INPP4B: variants seen among roughly 807,000 people sequenced by gnomAD.
INPP4B encodes inositol polyphosphate-4-phosphatase type II B, also known as inositol polyphosphate 4-phosphatase type II.
INPP4B carries 55 observed loss-of-function variants against 122.5 expected under a neutral mutation model. That is an observed-to-expected ratio of 0.45 (90% CI 0.36 to 0.56). INPP4B has a LOEUF of 0.56. INPP4B is among the 20% of genes least tolerant of loss of function. The pLI, the probability that INPP4B is intolerant of heterozygous loss-of-function variation, is 0.00. For synonymous variants in INPP4B, 403 were observed against 388.7 expected, an observed-to-expected ratio of 1.04 and a Z score of -0.43; for missense variants, 1,000 against 1,097.7, an observed-to-expected ratio of 0.91 and a Z score of 1.26.
intron 7 of INPP4B, among the ~76,000 whole-genome samples, chr4:142,388,743 G>A (rs1286906168): frequency 2.0e-5 from 3 of 152,066 alleles, no homozygotes; most frequent in African/African-American, 7.2e-5. Context: ...TTAAAAAATA[G>A]GCTGATTGGC....
chr4:142,081,884 T>A, intron 25 of INPP4B, 147 bp downstream of exon 25: 2 of 470,130 alleles, frequency 4.3e-6, no homozygotes, highest in Non-Finnish European at 7.4e-6. Flanking sequence ...AAATTATCTA[T>A]CTCTGATGTC....
chr4:142,478,666 A>T (rs2149724464), intron 2 of INPP4B, among the ~76,000 whole-genome samples: 1 of 152,196 alleles, frequency 6.6e-6, no homozygotes, highest in South Asian at 2.1e-4. Flanking sequence ...TAGCTTTTTG[A>T]TGTGCTGCTG....
intron 10 of INPP4B, among the ~76,000 whole-genome samples, chr4:142,262,027 G>C (rs1204479043): frequency 6.6e-6 from 1 of 152,048 alleles, no homozygotes; most frequent in Non-Finnish European, 1.5e-5. Context: ...AGCAATTTTG[G>C]AAATGCACTT....
At chr4:142,387,668 G>A (rs145650030) in intron 7 of INPP4B, among the ~76,000 whole-genome samples, 5 of 152,128 alleles carry the variant, frequency 3.3e-5, no homozygotes, top group Admixed American at 6.6e-5. Flanking sequence ...TGTGCAAATC[G>A]GTTGGATGAA....
intron 12 of INPP4B, among the ~76,000 whole-genome samples, chr4:142,228,676 A>G (rs1852708021): frequency 6.6e-6 from 1 of 151,962 alleles, no homozygotes; most frequent in Non-Finnish European, 1.5e-5. Context: ...AAACTTTCTA[A>G]GTACAATAGA....
chr4:142,428,632 C>T (rs1808625326), intron 5 of INPP4B, among the ~76,000 whole-genome samples: 1 of 151,994 alleles, frequency 6.6e-6, no homozygotes, highest in Non-Finnish European at 1.5e-5. Context: ...GACAAAGTTA[C>T]AAATTTTTAC....
intron 21 of INPP4B, 47 bp downstream of exon 21, chr4:142,122,076 TAACAC>T: frequency 8.7e-7 from 1 of 1,147,022 alleles, no homozygotes; most frequent in Admixed American, 2.0e-5. Flanking sequence ...TGACAGGAGT[TAACAC>T]GACATGTCTA....
At chr4:142,171,149 T>C (rs1825443113) in intron 16 of INPP4B, among the ~76,000 whole-genome samples, 1 of 151,674 alleles carries the variant, frequency 6.6e-6, no homozygotes, top group South Asian at 2.1e-4. Context: ...TGCCACCTCA[T>C]TACAAAATAG....
At chr4:142,366,704 G>A (rs1330478164) in intron 7 of INPP4B, among the ~76,000 whole-genome samples, 2 of 152,070 alleles carry the variant, frequency 1.3e-5, no homozygotes, top group East Asian at 3.9e-4. Context: ...ATGTGTTGGG[G>A]ATTGCTCTAG....
At position 142,340,197 on chromosome 4, in the gene INPP4B, C is replaced by T. The variant is rs115484011; in HGVS notation, c.373-25435G>A. Among the ~76,000 whole-genome samples the T allele has an allele frequency of 9.8e-3, 1,498 of 152,194 alleles. 24 individuals carry two copies. Among genetic ancestry groups the T allele is most frequent in the African/African-American group, 0.035 (1,438 of 41,518 alleles). On this transcript the variant is annotated intron_variant, in intron 7 of 25. Coordinates refer to ENST00000262992, the MANE Select transcript of INPP4B (RefSeq NM_001101669.3). ...AGGGAAATAACCATGGAGGCCTCTCCATCTGTTCATTGATAGAAAAGGTGG... is the reference window on the plus strand; with the variant it reads ...AGGGAAATAACCATGGAGGCCTCTCTATCTGTTCATTGATAGAAAAGGTGG...
At chr4:142,351,917 A>G (rs1366360692) in intron 7 of INPP4B, among the ~76,000 whole-genome samples, 1 of 152,062 alleles carries the variant, frequency 6.6e-6, no homozygotes, top group Non-Finnish European at 1.5e-5. Flanking sequence ...TATTTCCTAT[A>G]TAGTTTTAAA....
At chr4:142,654,100 C>T (rs1279431238) in intron 2 of INPP4B, among the ~76,000 whole-genome samples, 2 of 152,078 alleles carry the variant, frequency 1.3e-5, no homozygotes, top group African/African-American at 2.4e-5. Context: ...AACCATCATT[C>T]TCAGCAAACT....
chr4:142,271,350 A>G (rs527729051), intron 9 of INPP4B, among the ~76,000 whole-genome samples: 4 of 152,344 alleles, frequency 2.6e-5, no homozygotes, highest in South Asian at 4.1e-4. Context: ...AGGTGCCCTC[A>G]AGGAAAGAAC....
chr4:142,650,389 G>A (rs985660014), intron 2 of INPP4B, among the ~76,000 whole-genome samples: 4 of 151,946 alleles, frequency 2.6e-5, no homozygotes, highest in Non-Finnish European at 4.4e-5. Flanking sequence ...ATGTAAATGG[G>A]TTAAATGCCC....
chr4:142,145,731 A>G (rs17646914), intron 18 of INPP4B, 109 bp downstream of exon 18: 65,355 of 1,012,678 alleles, frequency 0.065, 2,694 homozygotes, highest in African/African-American at 0.15. Flanking sequence ...TGCTATCAGC[A>G]CTCTCATCAA....
Position 142,403,094 on chromosome 4 carries a change from A to G in INPP4B, c.256-40T>C, listed in dbSNP as rs745588322. 7.2e-6 allele frequency: 8 copies of G among 1,106,684 alleles called. No homozygotes were observed. In the South Asian group the frequency reaches 1.0e-4, roughly 14 times the overall value. The allele number at this position is 1,106,684 out of a possible 1,614,324, so 68.6% of individuals were successfully genotyped here. On this transcript the variant is annotated intron_variant, in intron 6 of 25. Transcript: ENST00000262992. ...GCAGACAACTTTGATTCAATAAGGC[A>G]GCAACTGTAGTTGGCAGCACGCAAG... is the stretch of plus-strand genomic sequence containing the variant.
chr4:142,345,665 CAAGTT>C (rs1330604805), intron 7 of INPP4B, among the ~76,000 whole-genome samples: 1 of 151,964 alleles, frequency 6.6e-6, no homozygotes, highest in Non-Finnish European at 1.5e-5. Flanking sequence ...TCATTTCATT[CAAGTT>C]AAGTGGTTTA....
chr4:142,389,573 C>CA (rs1797046678), intron 7 of INPP4B, among the ~76,000 whole-genome samples: 2 of 152,100 alleles, frequency 1.3e-5, no homozygotes, highest in South Asian at 4.1e-4. Flanking sequence ...TCATAAACTG[C>CA]ATGTTTGGCT....
chr4:142,195,560 G>A (rs899474948), intron 14 of INPP4B, among the ~76,000 whole-genome samples: 2 of 152,120 alleles, frequency 1.3e-5, no homozygotes, highest in African/African-American at 2.4e-5. Flanking sequence ...AATTCATCAA[G>A]TTGTAAAAAT....
Sources: allele counts gnomAD v4.1 joint callset (sites outside exome capture counted in the v4.1 genomes callset), GRCh38; gene constraint gnomAD v4.1.1; transcripts MANE v1.5; gene names NCBI Gene and HGNC (gene_info 2026-07-23, HGNC 2026-07-21).